PLD5: variants seen among roughly 807,000 people sequenced by gnomAD.
The protein encoded by PLD5 is inactive phospholipase D5.
Under a neutral mutation model 61.1 loss-of-function variants are expected in PLD5, and 36 were observed. The ratio of observed to expected loss-of-function variants is 0.59; its 90% CI spans 0.45 to 0.78. The LOEUF (loss-of-function observed/expected upper bound fraction) is 0.78, where lower values mean the gene tolerates loss of function less well. Ranked by LOEUF, PLD5 falls within the 30% of genes least tolerant of loss-of-function variation. The probability of loss-of-function intolerance (pLI) is 0.00; values close to 1 mark genes in which losing one functional copy is unlikely to be tolerated. For synonymous variants in PLD5, 243 were observed against 242.8 expected (o/e 1.00, Z -0.01); for missense variants, 515 against 644.4 (o/e 0.80, Z 2.17).
intron 5 of PLD5, among the ~76,000 whole-genome samples, chr1:242,152,161 T>C (rs1344260632): frequency 6.6e-6 from 1 of 152,024 alleles, no homozygotes; most frequent in African/African-American, 2.4e-5. Context: ...TAATCCGTTT[T>C]CTTGCCGTTT....
intron 2 of PLD5, among the ~76,000 whole-genome samples, chr1:242,309,439 G>A (rs1346528244): frequency 6.7e-6 from 1 of 150,268 alleles, no homozygotes. Context: ...CCAAGCTGGA[G>A]TGCAATGGCA....
chr1:242,483,213 A>C (rs1667843844), intron 1 of PLD5, among the ~76,000 whole-genome samples: 1 of 152,204 alleles, frequency 6.6e-6, no homozygotes, highest in Non-Finnish European at 1.5e-5. Flanking sequence ...TAACAATATT[A>C]ACCTTAAATG....
At chr1:242,138,615 C>T (rs2840609) in intron 5 of PLD5, among the ~76,000 whole-genome samples, 128,204 of 152,270 alleles carry the variant, frequency 0.84, 54,467 homozygotes, top group African/African-American at 0.96. Flanking sequence ...TTTCTGTAAA[C>T]ATATCAGCAA....
In PLD5 at chr1:242,209,840, G is replaced by A. The variant is rs183609027; in HGVS notation, c.735+10148C>T. ...GATGGAGTCTCACTCTGTCGCCCAG[G>A]CTGGACTGCAGTGGTGCAATCTTGG... On this transcript the variant is annotated intron_variant, in intron 5 of 9. Transcript: ENST00000536534. 6.6e-5 allele frequency among the ~76,000 whole-genome samples: 10 copies of A among 152,286 alleles called. No individual in the cohort carries two copies. In the East Asian group the frequency reaches 1.9e-3, roughly 29 times the overall value.
chr1:242,291,299 A>T (rs1675346903), intron 2 of PLD5, among the ~76,000 whole-genome samples: 1 of 152,008 alleles, frequency 6.6e-6, no homozygotes, highest in South Asian at 2.1e-4. Context: ...CTCCTCTTTC[A>T]TCCTACACCT....
chr1:242,359,047 A>G (rs1296795023), intron 1 of PLD5, among the ~76,000 whole-genome samples: 6 of 152,178 alleles, frequency 3.9e-5, no homozygotes, highest in African/African-American at 1.2e-4. Flanking sequence ...GGGAGTGACC[A>G]GCTTGACTTT....
At chr1:242,269,764 G>A (rs1276241582) in intron 3 of PLD5, among the ~76,000 whole-genome samples, 2 of 152,166 alleles carry the variant, frequency 1.3e-5, no homozygotes, top group Admixed American at 1.3e-4. Context: ...ACAGGTAAGA[G>A]CCTTTCAGGT....
chr1:242,297,564 T>A (rs1471736384), intron 2 of PLD5, among the ~76,000 whole-genome samples: 1 of 151,036 alleles, frequency 6.6e-6, no homozygotes, highest in Admixed American at 6.6e-5. Context: ...CACCATCACA[T>A]CCAGCTAACC....
intron 1 of PLD5, among the ~76,000 whole-genome samples, chr1:242,492,436 C>A (rs112333717): frequency 6.6e-6 from 1 of 151,050 alleles, no homozygotes; most frequent in Non-Finnish European, 1.5e-5. Context: ...GCAGGACAAT[C>A]GCTTGAGCCC....
intron 5 of PLD5, among the ~76,000 whole-genome samples, chr1:242,130,465 CAGT>C (rs1663149469): frequency 6.6e-6 from 1 of 152,202 alleles, no homozygotes; most frequent in African/African-American, 2.4e-5. Context: ...CGTAGATACA[CAGT>C]AGTGGGATTG....
Position 242,466,250 on chromosome 1 carries a change from T to C in PLD5, c.189+57838A>G, listed in dbSNP as rs576756530. 2.0e-5 allele frequency among the ~76,000 whole-genome samples: 3 copies of C among 152,298 alleles called. No homozygotes were observed. The East Asian group carries it at 5.8e-4, about 29-fold the overall frequency. On this transcript the variant is annotated intron_variant, in intron 1 of 9. Transcript: ENST00000536534. ...TCATGAAGGGAAGTATTTTTGTTTG[T>C]TTTGTTGCCTGATGTATCCTAGGTG...
At chr1:242,484,497 A>T (rs527831884) in intron 1 of PLD5, among the ~76,000 whole-genome samples, 1 of 152,220 alleles carries the variant, frequency 6.6e-6, no homozygotes, top group Non-Finnish European at 1.5e-5. Context: ...CACCCTCCCA[A>T]GACTAAACCA....
At chr1:242,299,739 T>C (rs905631038) in intron 2 of PLD5, among the ~76,000 whole-genome samples, 10 of 152,260 alleles carry the variant, frequency 6.6e-5, no homozygotes, top group African/African-American at 2.4e-4. Context: ...TGATTGTTTT[T>C]GTTTTTTACA....
chr1:242,213,861 G>GA (rs1669977693), intron 5 of PLD5, among the ~76,000 whole-genome samples: 1 of 142,528 alleles, frequency 7.0e-6, no homozygotes, highest in East Asian at 2.0e-4. Flanking sequence ...TCTAGAATGG[G>GA]TTTTTTTTTT....
chr1:242,368,762 T>C (rs1002624783), intron 1 of PLD5, among the ~76,000 whole-genome samples: 12 of 152,228 alleles, frequency 7.9e-5, no homozygotes, highest in African/African-American at 2.4e-4. Context: ...GACTTTTCCA[T>C]TGGTGTAGCT....
chr1:242,139,178 T>C (rs1378189641), intron 5 of PLD5, among the ~76,000 whole-genome samples: 1 of 152,184 alleles, frequency 6.6e-6, no homozygotes, highest in Non-Finnish European at 1.5e-5. Flanking sequence ...CTGCAAATAC[T>C]ACTGTGTTAT....
chr1:242,335,349 A>G (rs1388844119), intron 2 of PLD5, among the ~76,000 whole-genome samples: 1 of 152,186 alleles, frequency 6.6e-6, no homozygotes, highest in Non-Finnish European at 1.5e-5. Context: ...GATACACAAT[A>G]AGTGATAGCT....
intron 5 of PLD5, among the ~76,000 whole-genome samples, chr1:242,197,838 T>C (rs10926644): frequency 0.24 from 35,826 of 151,932 alleles, 5,268 homozygotes; most frequent in East Asian, 0.48. Context: ...TTCGCCATGT[T>C]GGCCAGGCTG....
intron 6 of PLD5, among the ~76,000 whole-genome samples, chr1:242,122,545 C>T (rs1662465255): frequency 6.6e-6 from 1 of 152,170 alleles, no homozygotes. Flanking sequence ...TGCTGCTCAT[C>T]CACAAATTAG....
Sources: gnomAD v4.1 joint callset for allele counts (sites outside exome capture counted in the v4.1 genomes callset) on GRCh38, gnomAD v4.1.1 for gene constraint, MANE v1.5 for transcripts, NCBI Gene and HGNC (gene_info 2026-07-23, HGNC 2026-07-21) for gene names.